Variants in BLK observed in about 807,000 individuals in gnomAD.
BLK encodes the protein BLK proto-oncogene, Src family tyrosine kinase.
In BLK, 64 loss-of-function variants were observed where a neutral mutation model predicts 61.8. That is an observed-to-expected ratio of 1.03 (90% CI 0.85 to 1.27). The LOEUF is 1.27. Ranked by LOEUF, BLK falls within the 50% of genes most tolerant of loss-of-function variation. The probability of loss-of-function intolerance (pLI) is 0.00; values close to 1 mark genes in which losing one functional copy is unlikely to be tolerated. For missense variants in BLK, 853 were observed against 660.5 expected (o/e 1.29, Z -3.19); for synonymous variants, 351 against 272.0 (o/e 1.29, Z -2.86).
intron 1 of BLK, among the ~76,000 whole-genome samples, chr8:11,523,867 C>A (rs934435768): frequency 1.3e-5 from 2 of 150,770 alleles, no homozygotes; most frequent in African/African-American, 2.4e-5. Flanking sequence ...TTGTTATAAA[C>A]CATTGTCCAG....
chr8:11,543,314 C>G lies in BLK; in HGVS notation c.90C>G (p.Ala30=), dbSNP rs2117449146. The G allele has an allele frequency of 6.2e-7, 1 of 1,613,424 alleles. No individual in the cohort carries two copies. Reference sequence around the variant, plus strand: ...AATGGAGCCCCCTGAAGGTCAGCGCCCAAGACAAGGACGCCCCGCCACTGC... The same window carrying G: ...AATGGAGCCCCCTGAAGGTCAGCGCGCAAGACAAGGACGCCCCGCCACTGC... The part of the protein sequence containing the change: ...KGQWSPLKVS[A]QDKDAPPLPP... The change falls in exon 2 of 13, where the codon GCC becomes GCG. Residue 30 remains alanine (A), a synonymous_variant. Coordinates refer to ENST00000259089, the MANE Select transcript of BLK (RefSeq NM_001715.3).
chr8:11,511,143 A>C (rs1310123862), intron 1 of BLK, among the ~76,000 whole-genome samples: 1 of 152,230 alleles, frequency 6.6e-6, no homozygotes, highest in East Asian at 1.9e-4. Flanking sequence ...GAAACCTTGA[A>C]ATTCAAGAGA....
intron 11 of BLK, among the ~76,000 whole-genome samples, chr8:11,562,386 G>C (rs534618201): frequency 6.6e-6 from 1 of 152,334 alleles, no homozygotes; most frequent in South Asian, 2.1e-4. Flanking sequence ...GTTCTCTCGG[G>C]AACTTCAGGC....
intron 4 of BLK, among the ~76,000 whole-genome samples, chr8:11,548,627 G>A (rs1800756843): frequency 6.6e-6 from 1 of 152,196 alleles, no homozygotes; most frequent in Non-Finnish European, 1.5e-5. Context: ...GGTCTGATTT[G>A]GTTCTTGAAG....
chr8:11,562,850 C>G, intron 11 of BLK, 129 bp from the exon 12 acceptor site: 1 of 1,317,048 alleles, frequency 7.6e-7, no homozygotes, highest in Non-Finnish European at 1.1e-6. Flanking sequence ...CCATGCCTGG[C>G]CGCCCCGCCC....
At chr8:11,500,086 C>A (rs1270694308) in intron 1 of BLK, among the ~76,000 whole-genome samples, 3 of 152,210 alleles carry the variant, frequency 2.0e-5, no homozygotes, top group Non-Finnish European at 4.4e-5. Context: ...GAAAAATTCA[C>A]TGAGGGAGCC....
intron 1 of BLK, among the ~76,000 whole-genome samples, chr8:11,512,075 A>G (rs2117290570): frequency 6.6e-6 from 1 of 152,358 alleles, no homozygotes; most frequent in East Asian, 1.9e-4. Context: ...TACAAAGATA[A>G]ACAACCAAAC....
At chr8:11,533,130 C>T (rs898080254) in intron 1 of BLK, among the ~76,000 whole-genome samples, 4 of 152,166 alleles carry the variant, frequency 2.6e-5, no homozygotes, top group Admixed American at 2.6e-4. Context: ...ATCCTGCAAC[C>T]GTTTTATGAG....
intron 8 of BLK, 123 bp from the exon 9 acceptor site, chr8:11,556,535 A>G: frequency 8.4e-7 from 1 of 1,192,214 alleles, no homozygotes; most frequent in Middle Eastern, 2.0e-4. Context: ...CCGGAACTGC[A>G]TGTTCCAGCT....
rs1801564939 is a variant in BLK, at chr8:11,563,065, G to C, written c.1267G>C (p.Val423Leu). ...CAAAGCAGACGTGTGGTCGTTTGGA[G>C]TCCTCCTGATGGAAGTTGTCACTTA... ...TIKADVWSFG[V>L]LLMEVVTYGR... is the part of the protein sequence containing the mutation. The change falls in exon 12 of 13, where the codon GTC becomes CTC. Residue 423 changes from valine (V) to leucine (L), a missense_variant. Coordinates refer to ENST00000259089, the MANE Select transcript of BLK (RefSeq NM_001715.3). The C allele has an allele frequency of 1.2e-6, 2 of 1,613,966 alleles. No individual in the cohort carries two copies. The highest frequency in any genetic ancestry group is 2.2e-5 in the South Asian group (2 of 91,092).
intron 1 of BLK, among the ~76,000 whole-genome samples, chr8:11,518,090 G>A (rs1799299579): frequency 6.6e-6 from 1 of 152,188 alleles, no homozygotes; most frequent in Non-Finnish European, 1.5e-5. Flanking sequence ...GGAGGGGCGA[G>A]AGAGTGTGCA....
intron 1 of BLK, among the ~76,000 whole-genome samples, chr8:11,514,753 A>T (rs1477162113): frequency 2.0e-5 from 3 of 152,220 alleles, no homozygotes; most frequent in Non-Finnish European, 4.4e-5. Flanking sequence ...GGAGGGCTCC[A>T]TTCCAGCCCT....
chr8:11,509,831 A>C (rs1798927976), intron 1 of BLK: 1 of 152,226 alleles, frequency 6.6e-6, no homozygotes, highest in African/African-American at 2.4e-5. Context: ...CTTTTACCTA[A>C]GAGCTACCCA....
intron 1 of BLK, among the ~76,000 whole-genome samples, chr8:11,510,879 G>C (rs1050186813): frequency 3.3e-5 from 5 of 152,074 alleles, no homozygotes; most frequent in African/African-American, 1.2e-4. Flanking sequence ...TTTAACCAAA[G>C]CTAATTGCTA....
At chr8:11,504,191 G>A (rs1798672244) in intron 1 of BLK, among the ~76,000 whole-genome samples, 1 of 152,028 alleles carries the variant, frequency 6.6e-6, no homozygotes, top group Non-Finnish European at 1.5e-5. Context: ...GTGTGGTGGT[G>A]TGCGACTGTA....
At chr8:11,520,189 C>A (rs1303634367) in intron 1 of BLK, among the ~76,000 whole-genome samples, 1 of 152,152 alleles carries the variant, frequency 6.6e-6, no homozygotes, top group Admixed American at 6.5e-5. Context: ...GCATTAAGAA[C>A]CACATAGCCA....
At chr8:11,504,301 C>T (rs931940954) in intron 1 of BLK, among the ~76,000 whole-genome samples, 5 of 147,102 alleles carry the variant, frequency 3.4e-5, no homozygotes, top group Admixed American at 2.1e-4. Flanking sequence ...CCAGCTTGAG[C>T]AACAGAGCGA....
intron 1 of BLK, among the ~76,000 whole-genome samples, chr8:11,520,406 G>C (rs569636905): frequency 7.6e-6 from 1 of 131,654 alleles, no homozygotes; most frequent in South Asian, 2.7e-4. Context: ...GTGCCCAGAA[G>C]ATTGAGGCTG....
chr8:11,515,495 C>A (rs182770743), intron 1 of BLK, among the ~76,000 whole-genome samples: 22 of 152,216 alleles, frequency 1.4e-4, no homozygotes, highest in Non-Finnish European at 2.4e-4. Context: ...CTCCCTGCTC[C>A]CCTTTAATTG....
Sources: allele counts gnomAD v4.1 joint callset (sites outside exome capture counted in the v4.1 genomes callset), GRCh38; gene constraint gnomAD v4.1.1; transcripts MANE v1.5; gene names NCBI Gene and HGNC (gene_info 2026-07-23, HGNC 2026-07-21).